THSD4: variants seen among roughly 807,000 people sequenced by gnomAD.
THSD4 encodes thrombospondin type-1 domain-containing protein 4.
Under a neutral mutation model 119.0 loss-of-function variants are expected in THSD4, and 69 were observed. That is an observed-to-expected ratio of 0.58 (90% CI 0.48 to 0.71). The LOEUF is 0.71. Among genes scored for constraint, THSD4 ranks in the 30% least tolerant of loss-of-function variants. The pLI is 0.00. For synonymous variants in THSD4, 524 were observed against 540.4 expected (o/e 0.97, Z 0.42); for missense variants, 1,393 against 1,391.1 (o/e 1.00, Z -0.02).
chr15:71,545,896 C>T (rs1036867080), intron 7 of THSD4, among the ~76,000 whole-genome samples: 3 of 152,134 alleles, frequency 2.0e-5, no homozygotes, highest in Admixed American at 1.3e-4. Context: ...GAGATGGCTA[C>T]GAACTGCAGT....
chr15:71,215,409 C>T lies in THSD4; in HGVS notation c.464+10C>T. 3 of 1,517,660 alleles carry T rather than the reference C, an allele frequency of 2.0e-6. No individual in the cohort carries two copies. The highest frequency in any genetic ancestry group is 2.8e-5 in the African/African-American group (2 of 71,528). 94.0% of individuals were successfully genotyped at this position (1,517,660 alleles called of 1,614,324 possible). On this transcript the variant is annotated intron_variant, in intron 4 of 17. Transcript: ENST00000261862. The stretch of plus-strand genomic sequence containing the variant: ...TCACTGGGGACAGAAGGTACACGCC[C>T]GCCCTTGTCTGTGCCGCTCCCCGTC...
intron 16 of THSD4, chr15:71,767,103 G>A (rs1419756640): frequency 2.0e-5 from 3 of 152,138 alleles, no homozygotes; most frequent in Non-Finnish European, 4.4e-5. Flanking sequence ...ACTGATAGAT[G>A]TGTATACCAC....
intron 5 of THSD4, among the ~76,000 whole-genome samples, chr15:71,244,357 A>G (rs1001012760): frequency 6.6e-6 from 1 of 152,198 alleles, no homozygotes; most frequent in Non-Finnish European, 1.5e-5. Context: ...TAATAATTTA[A>G]TCTGCCTTAA....
At position 71,115,889 on chromosome 15, in the gene THSD4, GTGCGGACGGC is replaced by G. The variant is rs1326375770; in HGVS notation, c.-80+196_-80+205del. On this transcript the variant is annotated intron_variant, in intron 1 of 17. Transcript: ENST00000261862. This position sits in a 1 kb window ranked among gnomAD's most constrained non-coding sequence, Gnocchi z 4.4. ...CGGGGAGCCAGCGCGCGCCTGGTCC[GTGCGGACGGC>G]TGCGCCTCCTTCTCTGGTTCTCTTC... 6.6e-6 allele frequency among the ~76,000 whole-genome samples: 1 copy of G among 152,018 alleles called. No homozygotes were observed. The highest frequency in any genetic ancestry group is 1.5e-5 in the Non-Finnish European group (1 of 67,970).
chr15:71,147,959 A>T (rs899973093), intron 2 of THSD4, among the ~76,000 whole-genome samples: 5 of 125,452 alleles, frequency 4.0e-5, no homozygotes, highest in Admixed American at 1.9e-4. Flanking sequence ...ATAGAGCAAG[A>T]CTCTGTCTCA....
At chr15:71,633,636 A>G (rs955888475) in intron 7 of THSD4, among the ~76,000 whole-genome samples, 4 of 152,192 alleles carry the variant, frequency 2.6e-5, no homozygotes, top group African/African-American at 7.2e-5. Flanking sequence ...GCTCAAATGG[A>G]TATTTGTATA....
At chr15:71,365,785 T>C (rs1003679234) in intron 6 of THSD4, among the ~76,000 whole-genome samples, 1 of 152,186 alleles carries the variant, frequency 6.6e-6, no homozygotes, top group Non-Finnish European at 1.5e-5. Flanking sequence ...GGAGAAGTTA[T>C]TTCACTGTTC....
At chr15:71,547,510 G>T in intron 7 of THSD4, 1 of 1,548,350 alleles carries the variant, frequency 6.5e-7, no homozygotes, top group Non-Finnish European at 8.7e-7. Flanking sequence ...CTTGTCAGAA[G>T]TTGTATTTTT....
At chr15:71,385,291 T>C (rs866040633) in intron 6 of THSD4, among the ~76,000 whole-genome samples, 2 of 152,234 alleles carry the variant, frequency 1.3e-5, no homozygotes, top group South Asian at 2.1e-4. Flanking sequence ...GTGAGCACTT[T>C]GGGCTCCATG....
intron 8 of THSD4, among the ~76,000 whole-genome samples, chr15:71,677,372 T>G (rs1283082394): frequency 6.6e-6 from 1 of 152,228 alleles, no homozygotes; most frequent in Non-Finnish European, 1.5e-5. Flanking sequence ...CCAAAAGCTT[T>G]TATGACTCTT....
intron 4 of THSD4, among the ~76,000 whole-genome samples, chr15:71,242,235 A>G (rs1312487056): frequency 6.6e-6 from 1 of 152,204 alleles, no homozygotes; most frequent in African/African-American, 2.4e-5. Context: ...GATTAGAAAA[A>G]AAAAGTGAAC....
chr15:71,753,548 G>C (rs1595919163), intron 14 of THSD4, among the ~76,000 whole-genome samples: 2 of 152,364 alleles, frequency 1.3e-5, no homozygotes, highest in South Asian at 4.1e-4. Context: ...CCCCACCAGA[G>C]GGTTGCTTAG....
At chr15:71,736,139 C>G (rs1308361059) in intron 10 of THSD4, among the ~76,000 whole-genome samples, 4 of 86,092 alleles carry the variant, frequency 4.6e-5, no homozygotes, top group African/African-American at 1.9e-4. Flanking sequence ...CTCTCTTGCT[C>G]TCTCTCCGTC....
At chr15:71,251,723 C>T (rs1470072440) in intron 5 of THSD4, among the ~76,000 whole-genome samples, 3 of 152,072 alleles carry the variant, frequency 2.0e-5, no homozygotes, top group Admixed American at 6.5e-5. Flanking sequence ...TGATGCTGTC[C>T]GTCTCCTGGG....
At chr15:71,638,891 A>AC (rs1259147690) in intron 7 of THSD4, among the ~76,000 whole-genome samples, 2 of 152,190 alleles carry the variant, frequency 1.3e-5, no homozygotes, top group Non-Finnish European at 2.9e-5. Flanking sequence ...GTCAGCAAGG[A>AC]CCCTGCTCAT....
At chr15:71,765,283 T>C (rs1478791916) in intron 16 of THSD4, 84 bp downstream of exon 16, 8 of 1,468,326 alleles carry the variant, frequency 5.4e-6, no homozygotes, top group Non-Finnish European at 7.3e-6. Context: ...GGCCAGGCAC[T>C]GGGTTCAGCC....
At chr15:71,600,776 CT>C (rs1225985813) in intron 7 of THSD4, among the ~76,000 whole-genome samples, 2 of 147,860 alleles carry the variant, frequency 1.4e-5, no homozygotes, top group Non-Finnish European at 3.0e-5. Flanking sequence ...GAGTCTTGCT[CT>C]GTCGCCTAGG....
intron 1 of THSD4, among the ~76,000 whole-genome samples, chr15:71,120,984 A>T (rs184745086): frequency 6.6e-6 from 1 of 152,340 alleles, no homozygotes; most frequent in African/African-American, 2.4e-5. Flanking sequence ...AGAGAAGAAG[A>T]TTAATTTCCC....
rs559421738 is a variant in THSD4, at chr15:71,678,608, G to T, written c.1357+17874G>T. Among the ~76,000 whole-genome samples, 26 of 152,276 alleles carry T rather than the reference G, an allele frequency of 1.7e-4. No individual in the cohort carries two copies. The South Asian group carries it at 1.9e-3, about 11-fold the overall frequency. ...CTTGCAGATAAGTCACTGAAGGGGT[G>T]GTCTTTGAAGATAAGCCTCCTTTCT... On this transcript the variant is annotated intron_variant, in intron 8 of 17. Transcript: ENST00000261862.
Sources: allele counts gnomAD v4.1 joint callset (sites outside exome capture counted in the v4.1 genomes callset), GRCh38; gene constraint gnomAD v4.1.1; non-coding constraint Gnocchi (gnomAD v3.1); transcripts MANE v1.5; gene names NCBI Gene and HGNC (gene_info 2026-07-23, HGNC 2026-07-21).